LRRC4C: variants seen among roughly 807,000 people sequenced by gnomAD.
LRRC4C encodes the protein leucine-rich repeat-containing protein 4C.
LRRC4C carries 5 observed loss-of-function variants against 33.6 expected under a neutral mutation model. The observed-to-expected ratio is 0.15, with a 90% confidence interval of 0.08 to 0.31. The LOEUF (loss-of-function observed/expected upper bound fraction) is 0.31. Ranked by LOEUF, LRRC4C falls within the 10% of genes least tolerant of loss-of-function variation. The pLI is 1.00. For synonymous variants in LRRC4C, 329 were observed against 302.0 expected (o/e 1.09, Z -0.93); for missense variants, 560 against 796.7 (o/e 0.70, Z 3.58).
At chr11:40,977,715 C>T (rs1852187224) in intron 1 of LRRC4C, among the ~76,000 whole-genome samples, 2 of 152,280 alleles carry the variant, frequency 1.3e-5, no homozygotes, top group East Asian at 3.9e-4. Context: ...ATTTGACTGT[C>T]TGACAAGTGC....
At chr11:40,252,710 A>G (rs1866885284) in intron 4 of LRRC4C, among the ~76,000 whole-genome samples, 2 of 152,190 alleles carry the variant, frequency 1.3e-5, no homozygotes, top group African/African-American at 4.8e-5. Flanking sequence ...CTTTTATTAT[A>G]CAAAGTAGAA....
intron 1 of LRRC4C, among the ~76,000 whole-genome samples, chr11:41,452,948 C>T (rs1044387461): frequency 2.0e-5 from 3 of 151,952 alleles, no homozygotes; most frequent in Non-Finnish European, 4.4e-5. Context: ...TAATGAGATA[C>T]CTTTTACTGA....
At chr11:40,451,549 C>A (rs1242173850) in intron 3 of LRRC4C, among the ~76,000 whole-genome samples, 2 of 151,476 alleles carry the variant, frequency 1.3e-5, no homozygotes, top group Admixed American at 6.6e-5. Context: ...CCATGCCTGG[C>A]AAATTTTTGT....
At chr11:41,117,903 C>A (rs2135742571) in intron 1 of LRRC4C, among the ~76,000 whole-genome samples, 1 of 152,068 alleles carries the variant, frequency 6.6e-6, no homozygotes, top group Non-Finnish European at 1.5e-5. Flanking sequence ...TTCCATGCAC[C>A]ATAAAACCTA....
intron 3 of LRRC4C, among the ~76,000 whole-genome samples, chr11:40,592,270 A>G (rs1181827338): frequency 6.6e-6 from 1 of 152,208 alleles, no homozygotes; most frequent in Non-Finnish European, 1.5e-5. Context: ...GGTTTTCTCT[A>G]TGAATGGATA....
At position 40,408,114 on chromosome 11, in the gene LRRC4C, G is replaced by A. The variant is rs373077128; in HGVS notation, c.-269-88393C>T. Among the ~76,000 whole-genome samples the A allele has an allele frequency of 5.7e-4, 87 of 151,856 alleles. 1 individual carries two copies. In the East Asian group the frequency reaches 6.6e-3, roughly 12 times the overall value. On this transcript the variant is annotated intron_variant, in intron 3 of 6. Transcript: ENST00000528697. Reference sequence around the variant, plus strand: ...AACATAGAAAGAAATGTTATCAATCGGATATGAGATTCCTACTGAAGCTCT... The same window carrying A: ...AACATAGAAAGAAATGTTATCAATCAGATATGAGATTCCTACTGAAGCTCT...
At chr11:41,360,614 T>C (rs1018110934) in intron 1 of LRRC4C, among the ~76,000 whole-genome samples, 4 of 152,074 alleles carry the variant, frequency 2.6e-5, no homozygotes, top group African/African-American at 9.7e-5. Context: ...ATTGGATGAA[T>C]GGAAGGAGTT....
chr11:40,194,742 A>C (rs2135660013), intron 5 of LRRC4C, among the ~76,000 whole-genome samples: 1 of 152,314 alleles, frequency 6.6e-6, no homozygotes, highest in East Asian at 1.9e-4. Context: ...CACGTTCTGC[A>C]CATGTATCCC....
intron 1 of LRRC4C, among the ~76,000 whole-genome samples, chr11:41,364,425 C>T (rs766517139): frequency 1.1e-4 from 16 of 152,016 alleles, no homozygotes; most frequent in Non-Finnish European, 2.1e-4. Context: ...ATTATAGGCA[C>T]GCACCACCAC....
At chr11:40,306,610 T>C (rs1243051905) in intron 4 of LRRC4C, among the ~76,000 whole-genome samples, 1 of 152,168 alleles carries the variant, frequency 6.6e-6, no homozygotes, top group Non-Finnish European at 1.5e-5. Context: ...AACCCACCCA[T>C]GGCTAATACA....
intron 1 of LRRC4C, among the ~76,000 whole-genome samples, chr11:41,276,152 T>G (rs911772816): frequency 1.3e-5 from 2 of 152,202 alleles, no homozygotes; most frequent in South Asian, 4.1e-4. Flanking sequence ...CTAACAAAGA[T>G]AGCAGCTAAG....
chr11:40,557,198 A>T lies in LRRC4C; in HGVS notation c.-270+90944T>A, dbSNP rs574607791. Among the ~76,000 whole-genome samples the T allele has an allele frequency of 2.6e-5, 4 of 152,080 alleles. No homozygotes were observed. In the South Asian group the frequency reaches 6.2e-4, roughly 24 times the overall value. Reference sequence around the variant, plus strand: ...TTTTTTAAACATGAGAATCAATTGCATGAATACAAATTACACTCATGTCCA... The same window carrying T: ...TTTTTTAAACATGAGAATCAATTGCTTGAATACAAATTACACTCATGTCCA... On this transcript the variant is annotated intron_variant, in intron 3 of 6. Transcript: ENST00000528697.
At chr11:40,545,130 T>C (rs1304308273) in intron 3 of LRRC4C, among the ~76,000 whole-genome samples, 1 of 152,106 alleles carries the variant, frequency 6.6e-6, no homozygotes, top group South Asian at 2.1e-4. Flanking sequence ...AAACATCAAT[T>C]TCTCTCCCAT....
chr11:40,644,345 C>G (rs1942310573), intron 3 of LRRC4C, among the ~76,000 whole-genome samples: 2 of 152,174 alleles, frequency 1.3e-5, no homozygotes. Context: ...TACAGTTACT[C>G]TGGAAAACTC....
At chr11:40,384,406 T>A (rs765478399) in intron 3 of LRRC4C, among the ~76,000 whole-genome samples, 4 of 152,194 alleles carry the variant, frequency 2.6e-5, no homozygotes, top group Non-Finnish European at 5.9e-5. Context: ...TTCTATTTGA[T>A]CTCATTTGAT....
intron 3 of LRRC4C, among the ~76,000 whole-genome samples, chr11:40,559,787 T>C (rs143031759): frequency 2.2e-4 from 34 of 152,320 alleles, no homozygotes; most frequent in African/African-American, 8.2e-4. Flanking sequence ...TGGTATCTCA[T>C]TGAGGTTTTG....
intron 2 of LRRC4C, among the ~76,000 whole-genome samples, chr11:40,842,235 T>C (rs772959009): frequency 6.6e-6 from 1 of 152,116 alleles, no homozygotes; most frequent in Non-Finnish European, 1.5e-5. Context: ...ACACTACAAC[T>C]CTATTCCAAT....
At chr11:40,359,158 A>G (rs1005064371) in intron 3 of LRRC4C, among the ~76,000 whole-genome samples, 3 of 152,208 alleles carry the variant, frequency 2.0e-5, no homozygotes, top group African/African-American at 7.2e-5. Context: ...CAAAGAACTA[A>G]TTCATTATTG....
intron 4 of LRRC4C, among the ~76,000 whole-genome samples, chr11:40,245,432 T>C (rs1032660975): frequency 2.0e-5 from 3 of 152,182 alleles, no homozygotes; most frequent in Non-Finnish European, 2.9e-5. Flanking sequence ...ACAGTCACTG[T>C]TGTAATTTGC....
Sources: gnomAD v4.1 joint callset for allele counts (sites outside exome capture counted in the v4.1 genomes callset) on GRCh38, gnomAD v4.1.1 for gene constraint, MANE v1.5 for transcripts, NCBI Gene and HGNC (gene_info 2026-07-23, HGNC 2026-07-21) for gene names.